The following MIPEP variants were observed in gnomAD, a reference collection of about 807,000 sequenced individuals.
MIPEP encodes the protein mitochondrial intermediate peptidase.
MIPEP carries 79 observed loss-of-function variants against 90.3 expected under a neutral mutation model. That is an observed-to-expected ratio of 0.87 (90% CI 0.73 to 1.05). The LOEUF is 1.05. Ranked by LOEUF, MIPEP falls within the 50% of genes least tolerant of loss-of-function variation. MIPEP has a pLI of 0.00. For synonymous variants in MIPEP, 334 were observed against 315.8 expected, an observed-to-expected ratio of 1.06 and a Z score of -0.61; for missense variants, 940 against 905.6, an observed-to-expected ratio of 1.04 and a Z score of -0.49.
intron 16 of MIPEP, among the ~76,000 whole-genome samples, chr13:23,770,370 C>T (rs988235744): frequency 6.6e-6 from 1 of 152,126 alleles, no homozygotes; most frequent in African/African-American, 2.4e-5. Flanking sequence ...TCACTTTCCT[C>T]AATGTCTTTT....
chr13:23,792,344 T>C (rs1320197253), intron 16 of MIPEP, among the ~76,000 whole-genome samples: 2 of 152,216 alleles, frequency 1.3e-5, no homozygotes, highest in Non-Finnish European at 2.9e-5. Context: ...TAGTATTTCC[T>C]GATCTTCTGC....
intron 10 of MIPEP, among the ~76,000 whole-genome samples, chr13:23,849,049 C>G (rs962424806): frequency 2.0e-5 from 3 of 152,166 alleles, no homozygotes; most frequent in Admixed American, 2.0e-4. Context: ...AAAAAACATG[C>G]ACAGAGGGTG....
At chr13:23,744,280 A>G (rs1952361982) in intron 18 of MIPEP, among the ~76,000 whole-genome samples, 1 of 152,196 alleles carries the variant, frequency 6.6e-6, no homozygotes, top group Admixed American at 6.5e-5. Flanking sequence ...ATTTGTCCCC[A>G]TGATATCTTA....
intron 14 of MIPEP, among the ~76,000 whole-genome samples, chr13:23,812,472 AC>A (rs1238814602): frequency 1.8e-5 from 1 of 54,336 alleles, no homozygotes; most frequent in African/African-American, 7.2e-5. Flanking sequence ...TCCCATCTCC[AC>A]CCTGAGAAAT....
chr13:23,740,755 A>G (rs546118426), intron 18 of MIPEP, among the ~76,000 whole-genome samples: 1 of 152,308 alleles, frequency 6.6e-6, no homozygotes, highest in African/African-American at 2.4e-5. Flanking sequence ...TCCTGGACAA[A>G]GAGAAAACAG....
rs781573203 is a variant in MIPEP, at chr13:23,809,937, A to G, written c.1654-13T>C. ...TTTTTGGCAGTGGCTTGATAAAACA[A>G]AAGAATATATATGTGAGTAAACTGC... On this transcript the variant is annotated splice_polypyrimidine_tract_variant and intron_variant, in intron 14 of 18. Coordinates refer to ENST00000382172, the MANE Select transcript of MIPEP (RefSeq NM_005932.4). 6.3e-7 allele frequency: 1 copy of G among 1,589,990 alleles called. No individual in the cohort carries two copies. The highest frequency in any genetic ancestry group is 8.6e-7 in the Non-Finnish European group (1 of 1,158,484).
chr13:23,813,390 T>C lies in MIPEP; in HGVS notation c.1654-3466A>G, dbSNP rs867196162. On this transcript the variant is annotated intron_variant, in intron 14 of 18. Coordinates refer to ENST00000382172, the MANE Select transcript of MIPEP (RefSeq NM_005932.4). ...TGTGCAAGTCCCTGCTGTGAAATGA[T>C]ACGGTATTTGCATATAACCTATGCA... Among the ~76,000 whole-genome samples the C allele has an allele frequency of 2.6e-5, 4 of 152,324 alleles. 1 individual carries two copies. The highest frequency in any genetic ancestry group is 4.1e-4 in the South Asian group (2 of 4,828).
intron 14 of MIPEP, among the ~76,000 whole-genome samples, chr13:23,812,754 T>C (rs1424162997): frequency 1.3e-5 from 2 of 152,252 alleles, no homozygotes; most frequent in African/African-American, 2.4e-5. Flanking sequence ...AGGACCTCTC[T>C]GCATTTTTGT....
chr13:23,768,472 T>C (rs1358695731), intron 16 of MIPEP, among the ~76,000 whole-genome samples: 4 of 152,178 alleles, frequency 2.6e-5, no homozygotes. Context: ...TCCCAGAACT[T>C]TGGGAGGCCA....
chr13:23,851,983 G>A (rs1869819120), intron 10 of MIPEP, among the ~76,000 whole-genome samples: 1 of 152,194 alleles, frequency 6.6e-6, no homozygotes. Flanking sequence ...AGGAATGATA[G>A]GAAGAGAGGA....
intron 16 of MIPEP, among the ~76,000 whole-genome samples, chr13:23,762,724 C>A (rs780596558): frequency 6.6e-6 from 1 of 152,170 alleles, no homozygotes; most frequent in South Asian, 2.1e-4. Context: ...GGCACTTGCA[C>A]GGCTATTGTT....
chr13:23,867,615 C>A (rs1308616009), intron 7 of MIPEP, among the ~76,000 whole-genome samples: 3 of 152,166 alleles, frequency 2.0e-5, no homozygotes, highest in Non-Finnish European at 2.9e-5. Flanking sequence ...TTTTCTTCTG[C>A]TTTGTACACT....
intron 16 of MIPEP, among the ~76,000 whole-genome samples, chr13:23,770,179 AATGGCTTC>A (rs1952633645): frequency 6.6e-6 from 1 of 152,168 alleles, no homozygotes; most frequent in African/African-American, 2.4e-5. Context: ...AGAACCCTGG[AATGGCTTC>A]CTCAGACCAT....
At chr13:23,768,107 T>C (rs1565986871) in intron 16 of MIPEP, among the ~76,000 whole-genome samples, 1 of 151,674 alleles carries the variant, frequency 6.6e-6, no homozygotes, top group Non-Finnish European at 1.5e-5. Context: ...AGCTTTGAAA[T>C]GGTGAAGACT....
intron 16 of MIPEP, among the ~76,000 whole-genome samples, chr13:23,776,820 A>G (rs1232037848): frequency 5.8e-5 from 2 of 34,370 alleles, no homozygotes; most frequent in Admixed American, 1.0e-3. Flanking sequence ...GACCTGCATT[A>G]AAAAAAAAAA....
chr13:23,877,401 G>C (rs1307188537), intron 4 of MIPEP, among the ~76,000 whole-genome samples: 1 of 152,128 alleles, frequency 6.6e-6, no homozygotes, highest in Admixed American at 6.5e-5. Context: ...CTTGCAACTA[G>C]AATTTTCCCT....
chr13:23,869,345 C>G lies in MIPEP; in HGVS notation c.890G>C (p.Gly297Ala). The G allele has an allele frequency of 4.3e-6, 7 of 1,612,572 alleles. No homozygotes were observed. The highest frequency in any genetic ancestry group is 3.3e-5 in the South Asian group (3 of 90,782). ...SSRDLLAKLV[G>A]YSTFSHRALQ... ...AGCCCTGTGAGAAAACGTGGAATAC[C>G]CCACCAACTTTGCCAGAAGATCTCT... Residue 297 changes from glycine (G) to alanine (A), a missense_variant, in exon 7 of 19, where the codon GGG becomes GCG. Coordinates refer to ENST00000382172, the MANE Select transcript of MIPEP (RefSeq NM_005932.4).
chr13:23,820,792 A>G (rs548266481), intron 14 of MIPEP, among the ~76,000 whole-genome samples: 2 of 152,304 alleles, frequency 1.3e-5, no homozygotes, highest in South Asian at 4.1e-4. Context: ...GTGCATTTCT[A>G]AGGAATGAAA....
intron 4 of MIPEP, among the ~76,000 whole-genome samples, chr13:23,878,787 G>C (rs1472286973): frequency 2.0e-5 from 3 of 152,190 alleles, no homozygotes; most frequent in Non-Finnish European, 4.4e-5. Flanking sequence ...CCTCCCAGTA[G>C]ATAAAATCGA....
Sources: allele counts gnomAD v4.1 joint callset (sites outside exome capture counted in the v4.1 genomes callset), GRCh38; gene constraint gnomAD v4.1.1; transcripts MANE v1.5; gene names NCBI Gene and HGNC (gene_info 2026-07-23, HGNC 2026-07-21).